The following SERPINB7 variants were observed in gnomAD, a reference collection of about 807,000 sequenced individuals.
The protein encoded by SERPINB7 is serpin B7.
A neutral mutation model predicts 37.4 loss-of-function variants in SERPINB7; 31 were observed. That is an observed-to-expected ratio of 0.83 (90% confidence interval 0.62 to 1.12). SERPINB7 has a LOEUF of 1.12. Ranked by LOEUF, SERPINB7 falls within the 50% of genes most tolerant of loss-of-function variation. SERPINB7 has a pLI of 0.00. For synonymous variants in SERPINB7, 163 were observed against 166.1 expected (o/e 0.98, Z 0.14); for missense variants, 521 against 455.3 (o/e 1.14, Z -1.31).
intron 2 of SERPINB7, among the ~76,000 whole-genome samples, chr18:63,783,063 G>A (rs1314654161): frequency 6.6e-6 from 1 of 151,716 alleles, no homozygotes; most frequent in Non-Finnish European, 1.5e-5. Context: ...GCATGAACCC[G>A]GGAGGTGGAG....
intron 5 of SERPINB7, among the ~76,000 whole-genome samples, chr18:63,797,691 C>T (rs1425108793): frequency 1.3e-5 from 2 of 152,194 alleles, no homozygotes; most frequent in Non-Finnish European, 2.9e-5. Flanking sequence ...CAGAGCCATC[C>T]TTTTGAAAGG....
intron 4 of SERPINB7, among the ~76,000 whole-genome samples, chr18:63,793,900 A>T (rs911282555): frequency 2.6e-5 from 4 of 151,970 alleles, no homozygotes; most frequent in Non-Finnish European, 4.4e-5. Context: ...TGGACTTTTT[A>T]AAAAAGTATA....
rs924766134 is a variant in SERPINB7, at chr18:63,775,559, G to A, written c.-176G>A. On this transcript the variant is annotated 5_prime_UTR_variant, in exon 1 of 8. Transcript: ENST00000398019. The stretch of plus-strand genomic sequence containing the variant: ...GGTAGTGGTAAAACAGGCTCCCTTC[G>A]AAGCTCTCCTTCATCACCTTCCTAA... 2.6e-5 allele frequency: 4 copies of A among 152,046 alleles called. No homozygotes were observed. Among genetic ancestry groups the A allele is most frequent in the African/African-American group, 9.7e-5 (4 of 41,412 alleles). The allele number at this position is 152,046 out of a possible 1,614,324, so 9.4% of individuals were successfully genotyped here.
chr18:63,783,006 C>A (rs1382567877), intron 2 of SERPINB7, among the ~76,000 whole-genome samples: 1 of 151,430 alleles, frequency 6.6e-6, no homozygotes, highest in South Asian at 2.1e-4. Flanking sequence ...GGCATGGTGG[C>A]GGGCGCCTGT....
intron 1 of SERPINB7, among the ~76,000 whole-genome samples, chr18:63,754,275 G>T (rs140693864): frequency 6.6e-6 from 1 of 152,152 alleles, no homozygotes; most frequent in Non-Finnish European, 1.5e-5. Context: ...ATAGAATTAG[G>T]AAGAAATAAA....
At chr18:63,791,831 C>T (rs12964831) in intron 2 of SERPINB7, among the ~76,000 whole-genome samples, 2,791 of 152,162 alleles carry the variant, frequency 0.018, 40 homozygotes, top group South Asian at 0.053. Context: ...AGGATGGTCT[C>T]GATCTCCTGA....
intron 2 of SERPINB7, among the ~76,000 whole-genome samples, chr18:63,789,614 C>G (rs2144626122): frequency 6.6e-6 from 1 of 152,204 alleles, no homozygotes; most frequent in East Asian, 1.9e-4. Flanking sequence ...ATACAGAGTA[C>G]CCAGTATATT....
intron 7 of SERPINB7, 45 bp from the exon 8 acceptor site, chr18:63,804,192 C>A: frequency 7.4e-7 from 1 of 1,359,112 alleles, no homozygotes; most frequent in Non-Finnish European, 1.0e-6. Context: ...TTTTATCTAT[C>A]ACTTGACCAT....
At chr18:63,796,138 C>T (rs1197225973) in intron 4 of SERPINB7, 128 bp from the exon 5 acceptor site, 1 of 565,538 alleles carries the variant, frequency 1.8e-6, no homozygotes, top group Admixed American at 3.0e-5. Flanking sequence ...CCTATATTTA[C>T]ATACTCATTT....
chr18:63,801,251 A>G (rs909707707), intron 7 of SERPINB7, among the ~76,000 whole-genome samples: 1 of 151,920 alleles, frequency 6.6e-6, no homozygotes, highest in Non-Finnish European at 1.5e-5. Flanking sequence ...TCAAATTGGA[A>G]CTCTCTCAAA....
chr18:63,804,352 T>C lies in SERPINB7; in HGVS notation c.860T>C (p.Met287Thr), dbSNP rs2049582728. The change falls in exon 8 of 8, where the codon ATG becomes ACG. Residue 287 changes from methionine (M) to threonine (T), a missense_variant. Physicochemically the swap from Met to Thr is moderately conservative, Grantham distance 81 (BLOSUM62 -1). Transcript: ENST00000398019. ...TTCAAGATAGAGAAGAATTATGAAA[T>C]GAAACAATATTTGAGAGCCCTAGGG... is the stretch of plus-strand genomic sequence containing the variant. ...PQFKIEKNYE[M>T]KQYLRALGLK... 5 of 1,613,716 alleles carry C rather than the reference T, an allele frequency of 3.1e-6. No individual in the cohort carries two copies. The East Asian group carries it at 1.1e-4, about 36-fold the overall frequency.
At chr18:63,778,597 CTT>C (rs973790980) in intron 1 of SERPINB7, among the ~76,000 whole-genome samples, 12 of 152,164 alleles carry the variant, frequency 7.9e-5, no homozygotes, top group African/African-American at 2.6e-4. Context: ...AGTATCATAA[CTT>C]TATGTTTTAT....
At chr18:63,758,435 G>A (rs1475821428) in intron 1 of SERPINB7, among the ~76,000 whole-genome samples, 1 of 152,130 alleles carries the variant, frequency 6.6e-6, no homozygotes, top group African/African-American at 2.4e-5. Flanking sequence ...AAAAATTCAT[G>A]AACCCTTTTC....
chr18:63,798,014 G>T (rs1158204251), intron 5 of SERPINB7, among the ~76,000 whole-genome samples: 13 of 152,216 alleles, frequency 8.5e-5, no homozygotes, highest in Admixed American at 6.5e-4. Context: ...AGTGCACTGA[G>T]GTCAGACCTC....
intron 1 of SERPINB7, among the ~76,000 whole-genome samples, chr18:63,758,093 C>T (rs1333368534): frequency 6.6e-6 from 1 of 152,218 alleles, no homozygotes; most frequent in Non-Finnish European, 1.5e-5. Context: ...CCTGCTCTCC[C>T]TCTTTCTCTC....
intron 4 of SERPINB7, among the ~76,000 whole-genome samples, chr18:63,793,932 C>T (rs1013850810): frequency 1.3e-5 from 2 of 149,610 alleles, no homozygotes; most frequent in African/African-American, 5.0e-5. Flanking sequence ...GCTTCTAGCT[C>T]TTCTAGAGCT....
chr18:63,765,343 T>G (rs1308713223), intron 1 of SERPINB7, among the ~76,000 whole-genome samples: 2 of 152,156 alleles, frequency 1.3e-5, no homozygotes, highest in African/African-American at 4.8e-5. Flanking sequence ...GAGTACATTT[T>G]CTCCATCTCT....
intron 4 of SERPINB7, among the ~76,000 whole-genome samples, chr18:63,794,217 C>T (rs1198774670): frequency 1.1e-4 from 16 of 150,482 alleles, no homozygotes; most frequent in East Asian, 3.9e-4. Flanking sequence ...CCACATCAGC[C>T]GCCCAAAGTG....
chr18:63,791,895 C>G (rs1236969000), intron 2 of SERPINB7, among the ~76,000 whole-genome samples: 1 of 152,196 alleles, frequency 6.6e-6, no homozygotes, highest in Non-Finnish European at 1.5e-5. Context: ...CAGGCCTGAG[C>G]CACCGCACCC....
Sources: gnomAD v4.1 joint callset for allele counts (sites outside exome capture counted in the v4.1 genomes callset) on GRCh38, gnomAD v4.1.1 for gene constraint, MANE v1.5 for transcripts, NCBI Gene and HGNC (gene_info 2026-07-23, HGNC 2026-07-21) for gene names.